The following C12orf60 variants were observed in gnomAD, a reference collection of about 807,000 sequenced individuals.
The protein encoded by C12orf60 is chromosome 12 open reading frame 60.
For missense variants in C12orf60, 284 were observed against 283.2 expected (o/e 1.00, Z -0.02); for synonymous variants, 102 against 94.6 (o/e 1.08, Z -0.45).
At chr12:14,804,149 A>T (rs1565676989) in intron 1 of C12orf60, among the ~76,000 whole-genome samples, 1 of 152,194 alleles carries the variant, frequency 6.6e-6, no homozygotes, top group East Asian at 1.9e-4. Context: ...TTTAAGTTAT[A>T]TGAGTGGCAA....
Position 14,820,031 on chromosome 12 carries a change from C to T in C12orf60, c.-24-2881C>T, listed in dbSNP as rs975610762. Among the ~76,000 whole-genome samples, 9 of 151,964 alleles carry T rather than the reference C, an allele frequency of 5.9e-5. 1 individual carries two copies. Among genetic ancestry groups the T allele is most frequent in the Admixed American group, 2.0e-4 (3 of 15,256 alleles). On this transcript the variant is annotated intron_variant, in intron 1 of 1. Coordinates refer to ENST00000330828, the MANE Select transcript of C12orf60 (RefSeq NM_175874.4). ...CTTCTAGAAGGTGTTTAACTACAGGCGCAATTTCTTTAAGAAATATAGGTT... is the reference window on the plus strand; with the variant it reads ...CTTCTAGAAGGTGTTTAACTACAGGTGCAATTTCTTTAAGAAATATAGGTT...
chr12:14,817,032 A>C (rs1950231641), intron 1 of C12orf60, among the ~76,000 whole-genome samples: 1 of 152,110 alleles, frequency 6.6e-6, no homozygotes, highest in Admixed American at 6.5e-5. Context: ...AAAATAAAAT[A>C]CTTAAATATA....
chr12:14,816,801 G>A (rs1033402925), intron 1 of C12orf60, among the ~76,000 whole-genome samples: 1 of 147,996 alleles, frequency 6.8e-6, no homozygotes. Flanking sequence ...CTGGAGTGCA[G>A]TGGTGCCATC....
intron 1 of C12orf60, among the ~76,000 whole-genome samples, chr12:14,818,000 C>T (rs1950249503): frequency 6.6e-6 from 1 of 152,118 alleles, no homozygotes; most frequent in Non-Finnish European, 1.5e-5. Flanking sequence ...CTGTTGTTTC[C>T]TGACTTTTTA....
chr12:14,807,099 T>G (rs1950063705), intron 1 of C12orf60, among the ~76,000 whole-genome samples: 1 of 152,238 alleles, frequency 6.6e-6, no homozygotes, highest in Non-Finnish European at 1.5e-5. Context: ...CCCAAAGTGC[T>G]AGGATTACAG....
chr12:14,808,604 C>T (rs1192954197), intron 1 of C12orf60, among the ~76,000 whole-genome samples: 1 of 152,098 alleles, frequency 6.6e-6, no homozygotes, highest in Non-Finnish European at 1.5e-5. Context: ...AATAACCTAT[C>T]CTCCAAATCG....
chr12:14,822,818 G>A (rs1339611438), intron 1 of C12orf60, 94 bp from the exon 2 acceptor site: 1 of 1,053,662 alleles, frequency 9.5e-7, no homozygotes, highest in African/African-American at 1.6e-5. Context: ...CTTGGCAGGG[G>A]GAGTTATCTT....
intron 1 of C12orf60, among the ~76,000 whole-genome samples, chr12:14,817,944 C>T (rs1950248127): frequency 6.6e-6 from 1 of 152,202 alleles, no homozygotes; most frequent in South Asian, 2.1e-4. Flanking sequence ...TACATTCCCA[C>T]TAACAGGGTA....
Position 14,823,161 on chromosome 12 carries a change from G to T in C12orf60, c.226G>T (p.Ala76Ser), listed in dbSNP as rs2137289957. ...IFKEMQSVVD[A>S]RHDKIQKESL... The stretch of plus-strand genomic sequence containing the variant: ...TAAGGAGATGCAATCTGTAGTGGAT[G>T]CAAGACATGACAAAATTCAAAAGGA... The change falls in exon 2 of 2, where the codon GCA becomes TCA. Residue 76 changes from alanine (A) to serine (S), a missense_variant. Coordinates refer to ENST00000330828, the MANE Select transcript of C12orf60 (RefSeq NM_175874.4). 1 of 1,614,172 alleles carries T rather than the reference G, an allele frequency of 6.2e-7. No homozygotes were observed. Among genetic ancestry groups the T allele is most frequent in the East Asian group, 2.2e-5 (1 of 44,880 alleles).
chr12:14,806,193 A>C, intron 1 of C12orf60: 1 of 1,614,156 alleles, frequency 6.2e-7, no homozygotes, highest in South Asian at 1.1e-5. Context: ...AGCAACTCCA[A>C]TACTACCAAG....
rs867713866 is a variant in C12orf60, at chr12:14,806,766, A to G, written c.-25+3015A>G. 6.6e-6 allele frequency: 9 copies of G among 1,368,770 alleles called. No individual in the cohort carries two copies. In the African/African-American group the frequency reaches 1.2e-4, roughly 18 times the overall value. The allele number at this position is 1,368,770 out of a possible 1,614,324, so 84.8% of individuals were successfully genotyped here. Reference sequence around the variant, plus strand: ...GTCTGCTAACTGTGTAGAAGGGACTAGGAAATCTTTTTCTTCATGCATAGC... The same window carrying G: ...GTCTGCTAACTGTGTAGAAGGGACTGGGAAATCTTTTTCTTCATGCATAGC... On this transcript the variant is annotated intron_variant, in intron 1 of 1. Transcript: ENST00000330828.
chr12:14,810,010 A>T (rs1950111507), intron 1 of C12orf60, among the ~76,000 whole-genome samples: 1 of 152,044 alleles, frequency 6.6e-6, no homozygotes, highest in South Asian at 2.1e-4. Flanking sequence ...TTGCGCTTAG[A>T]CTCTTTTTCG....
chr12:14,808,343 T>C (rs1025116811), intron 1 of C12orf60, among the ~76,000 whole-genome samples: 5 of 152,164 alleles, frequency 3.3e-5, no homozygotes, highest in Admixed American at 6.5e-5. Context: ...ATGCATACTT[T>C]GAGTAGCCTT....
intron 1 of C12orf60, among the ~76,000 whole-genome samples, chr12:14,813,460 G>T (rs953795997): frequency 6.6e-6 from 1 of 152,194 alleles, no homozygotes; most frequent in African/African-American, 2.4e-5. Context: ...ATCATGATGT[G>T]ATGATATACT....
chr12:14,820,071 G>T (rs1950281924), intron 1 of C12orf60, among the ~76,000 whole-genome samples: 1 of 151,954 alleles, frequency 6.6e-6, no homozygotes, highest in Non-Finnish European at 1.5e-5. Flanking sequence ...TAAGTTTTTT[G>T]TTTCTACTTG....
At position 14,803,754 on chromosome 12, in the gene C12orf60, A is replaced by G. The variant is rs1248399132; in HGVS notation, c.-25+3A>G. On this transcript the variant is annotated splice_donor_region_variant and intron_variant, in intron 1 of 1. Transcript: ENST00000330828. ...TTGACTTAGTTGCTGGGAGCCTGGTACGTTGAGCCGTCCGAGAACGGTACA... is the reference window on the plus strand; with the variant it reads ...TTGACTTAGTTGCTGGGAGCCTGGTGCGTTGAGCCGTCCGAGAACGGTACA... 1 of 358,460 alleles carries G rather than the reference A, an allele frequency of 2.8e-6. No individual in the cohort carries two copies. The highest frequency in any genetic ancestry group is 4.7e-5 in the Admixed American group (1 of 21,394). The allele number at this position is 358,460 out of a possible 1,614,324, so 22.2% of individuals were successfully genotyped here.
At chr12:14,818,151 A>T (rs1347193095) in intron 1 of C12orf60, among the ~76,000 whole-genome samples, 3 of 152,196 alleles carry the variant, frequency 2.0e-5, no homozygotes, top group Non-Finnish European at 4.4e-5. Context: ...CTGTCTGTTC[A>T]TATCCTTTGC....
chr12:14,824,241 G>T lies in C12orf60; in HGVS notation c.*568G>T, dbSNP rs184987296. The T allele has an allele frequency of 6.6e-6, 1 of 152,304 alleles. No homozygotes were observed. Among genetic ancestry groups the T allele is most frequent in the African/African-American group, 2.4e-5 (1 of 41,572 alleles). The allele number at this position is 152,304 out of a possible 1,614,324, so 9.4% of individuals were successfully genotyped here. ...TATGTGAGTAAGACCAGAACAGATAGTTCATTCTCACTTGTCTCCTGAGGT... is the reference window on the plus strand; with the variant it reads ...TATGTGAGTAAGACCAGAACAGATATTTCATTCTCACTTGTCTCCTGAGGT... On this transcript the variant is annotated 3_prime_UTR_variant, in exon 2 of 2. Coordinates refer to ENST00000330828, the MANE Select transcript of C12orf60 (RefSeq NM_175874.4).
chr12:14,815,495 AG>A (rs1425467180), intron 1 of C12orf60, among the ~76,000 whole-genome samples: 1 of 152,218 alleles, frequency 6.6e-6, no homozygotes, highest in Non-Finnish European at 1.5e-5. Flanking sequence ...GGAGCAGTTA[AG>A]GGAAGGTAAG....
Sources: gnomAD v4.1 joint callset for allele counts (sites outside exome capture counted in the v4.1 genomes callset) on GRCh38, gnomAD v4.1.1 for gene constraint, MANE v1.5 for transcripts, NCBI Gene and HGNC (gene_info 2026-07-23, HGNC 2026-07-21) for gene names.